The following POTEG variants were observed in gnomAD, a reference collection of about 807,000 sequenced individuals.
POTEG encodes POTE ankyrin domain family member G.
In POTEG, 2 loss-of-function variants were observed where a neutral mutation model predicts 49.6. That is an observed-to-expected ratio of 0.04 (90% confidence interval 0.02 to 0.13). The LOEUF (loss-of-function observed/expected upper bound fraction) is 0.13. Among genes scored for constraint, POTEG ranks in the 10% least tolerant of loss-of-function variants. The probability of loss-of-function intolerance (pLI) is 1.00; values close to 1 mark genes in which losing one functional copy is unlikely to be tolerated. For missense variants in POTEG, 26 were observed against 545.2 expected (o/e 0.05, Z 9.48); for synonymous variants, 7 against 186.6 (o/e 0.04, Z 7.84).
chr14:19,430,903 TA>T (rs2139179986), intron 1 of POTEG, among the ~76,000 whole-genome samples: 1 of 148,248 alleles, frequency 6.7e-6, no homozygotes, highest in African/African-American at 2.5e-5. Flanking sequence ...CTATATACAA[TA>T]AAATCTACAG....
chr14:19,432,691 G>A (rs1300360292), intron 1 of POTEG, among the ~76,000 whole-genome samples: 22 of 74,442 alleles, frequency 3.0e-4, no homozygotes, highest in African/African-American at 1.1e-3. Flanking sequence ...CATATATTTC[G>A]GTATTTCTAA....
intron 3 of POTEG, among the ~76,000 whole-genome samples, chr14:19,426,413 C>A (rs1883947584): frequency 6.6e-6 from 1 of 151,140 alleles, no homozygotes; most frequent in Non-Finnish European, 1.5e-5. Context: ...CTGGACAGTC[C>A]ACAATACAGC....
At chr14:19,414,120 AAGG>A (rs1883453149) in intron 8 of POTEG, among the ~76,000 whole-genome samples, 1 of 105,442 alleles carries the variant, frequency 9.5e-6, no homozygotes, top group African/African-American at 3.3e-5. Context: ...CCCACAACAT[AAGG>A]AGCAGAGTGA....
At chr14:19,410,004 TC>T (rs1453429273) in intron 9 of POTEG, among the ~76,000 whole-genome samples, 1 of 138,760 alleles carries the variant, frequency 7.2e-6, no homozygotes, top group East Asian at 2.4e-4. Context: ...TAGGAGGAAC[TC>T]TGACACATAC....
At chr14:19,432,475 T>C (rs1296512910) in intron 1 of POTEG, among the ~76,000 whole-genome samples, 1 of 121,062 alleles carries the variant, frequency 8.3e-6, no homozygotes, top group Non-Finnish European at 1.7e-5. Flanking sequence ...TACATATATA[T>C]ACATGTGTAT....
chr14:19,415,838 T>A (rs1228792840), intron 7 of POTEG, among the ~76,000 whole-genome samples: 2,251 of 57,208 alleles, frequency 0.039, 29 homozygotes, highest in East Asian at 0.13. Context: ...AATTTTTTTT[T>A]TTTTTTTTTT....
chr14:19,432,424 G>GTATATACGTATA (rs1884188769), intron 1 of POTEG, among the ~76,000 whole-genome samples: 2 of 34,942 alleles, frequency 5.7e-5, no homozygotes, highest in Non-Finnish European at 1.1e-4. Context: ...GTATATATAT[G>GTATATACGTATA]TATATACGTA....
intron 7 of POTEG, among the ~76,000 whole-genome samples, chr14:19,416,005 C>T (rs1316161193): frequency 2.3e-4 from 34 of 148,096 alleles, no homozygotes; most frequent in African/African-American, 5.6e-4. Flanking sequence ...CCACCACACC[C>T]GGCTAAGATT....
intron 1 of POTEG, among the ~76,000 whole-genome samples, chr14:19,433,026 G>A (rs1300871108): frequency 6.1e-5 from 6 of 97,616 alleles, no homozygotes; most frequent in East Asian, 3.1e-4. Flanking sequence ...CCGGGTTCAC[G>A]CCATTCTCCT....
At chr14:19,414,971 T>C (rs1283519764) in intron 7 of POTEG, among the ~76,000 whole-genome samples, 17 of 140,960 alleles carry the variant, frequency 1.2e-4, no homozygotes, top group East Asian at 8.2e-4. Context: ...ATTTGTAGTG[T>C]TGCAAAACCT....
intron 1 of POTEG, among the ~76,000 whole-genome samples, chr14:19,431,515 G>A (rs1884139806): frequency 1.4e-5 from 2 of 147,928 alleles, no homozygotes; most frequent in Admixed American, 1.4e-4. Context: ...AAAAGCTGCA[G>A]CAACTTAAAC....
Position 19,415,230 on chromosome 14 carries a change from CTAA to C in POTEG, c.1198-627_1198-625del, listed in dbSNP as rs1195989174. On this transcript the variant is annotated intron_variant, in intron 7 of 10. Transcript: ENST00000547848. ...CAGTTCTAATATATTCTAATATGTA[CTAA>C]TGACAGTAGATAAAAATTTTAATCT... 2.1e-5 allele frequency among the ~76,000 whole-genome samples: 3 copies of C among 142,684 alleles called. 1 individual carries two copies. Among genetic ancestry groups the C allele is most frequent in the Admixed American group, 1.4e-4 (2 of 14,324 alleles). The allele number at this position is 142,684 out of a possible 152,430, so 93.6% of individuals were successfully genotyped here.
chr14:19,415,688 G>T (rs1386088900), intron 7 of POTEG, among the ~76,000 whole-genome samples: 1 of 151,888 alleles, frequency 6.6e-6, no homozygotes, highest in South Asian at 2.1e-4. Flanking sequence ...AGGCAGATAA[G>T]AATATTTTAA....
intron 1 of POTEG, among the ~76,000 whole-genome samples, chr14:19,429,605 G>C: frequency 7.6e-6 from 1 of 132,352 alleles, no homozygotes; most frequent in African/African-American, 2.6e-5. Context: ...TACTATAATT[G>C]GTGGCATTTA....
intron 7 of POTEG, among the ~76,000 whole-genome samples, chr14:19,415,130 C>G (rs1883501338): frequency 6.9e-6 from 1 of 145,022 alleles, no homozygotes; most frequent in Admixed American, 6.8e-5. Flanking sequence ...GAAAGAGATG[C>G]AAATTCTTAA....
intron 6 of POTEG, among the ~76,000 whole-genome samples, chr14:19,416,801 AT>A (rs1198072386): frequency 0.083 from 594 of 7,182 alleles, no homozygotes; most frequent in East Asian, 0.16. Flanking sequence ...ATTTATTTTA[AT>A]TTTTTTTTTT....
chr14:19,433,380 T>G (rs1383675781), intron 1 of POTEG, among the ~76,000 whole-genome samples: 1 of 101,672 alleles, frequency 9.8e-6, no homozygotes, highest in Middle Eastern at 4.6e-3. Flanking sequence ...GGATTTTATT[T>G]GAAGAATATT....
At chr14:19,415,322 G>T (rs1326593625) in intron 7 of POTEG, among the ~76,000 whole-genome samples, 1 of 143,056 alleles carries the variant, frequency 7.0e-6, no homozygotes, top group Non-Finnish European at 1.6e-5. Context: ...AACACCAAAG[G>T]TCCCATTCTG....
intron 7 of POTEG, among the ~76,000 whole-genome samples, chr14:19,415,829 A>ATTTT (rs58833974): frequency 3.1e-3 from 297 of 96,676 alleles, no homozygotes; most frequent in African/African-American, 0.011. Flanking sequence ...ATCTATTAAA[A>ATTTT]TTTTTTTTTT....
Sources: allele counts gnomAD v4.1 joint callset (sites outside exome capture counted in the v4.1 genomes callset), GRCh38; gene constraint gnomAD v4.1.1; transcripts MANE v1.5; gene names NCBI Gene and HGNC (gene_info 2026-07-23, HGNC 2026-07-21).